DNM3: variants seen among roughly 807,000 people sequenced by gnomAD.
DNM3 encodes dynamin 3, also known as dynamin-3.
In DNM3, 47 loss-of-function variants were observed where a neutral mutation model predicts 101.6. That is an observed-to-expected ratio of 0.46 (90% CI 0.37 to 0.59). The LOEUF (loss-of-function observed/expected upper bound fraction) is 0.59. Among genes scored for constraint, DNM3 ranks in the 20% least tolerant of loss-of-function variants. The pLI, the probability that DNM3 is intolerant of heterozygous loss-of-function variation, is 0.00. For synonymous variants in DNM3, 385 were observed against 387.9 expected (o/e 0.99, Z 0.09); for missense variants, 849 against 1,085.7 (o/e 0.78, Z 3.06).
chr1:172,414,544 A>G (rs985719256), downstream of DNM3, among the ~76,000 whole-genome samples: 4 of 152,214 alleles, frequency 2.6e-5, no homozygotes, highest in African/African-American at 9.6e-5. Flanking sequence ...TCACAGATCT[A>G]GTGTCCTGAG....
intron 14 of DNM3, among the ~76,000 whole-genome samples, chr1:172,156,990 G>C (rs2058362957): frequency 6.6e-6 from 1 of 152,056 alleles, no homozygotes; most frequent in Non-Finnish European, 1.5e-5. Flanking sequence ...CCGGGGACTG[G>C]TTTCATGGAA....
At chr1:171,941,436 C>T (rs1180930218) in intron 2 of DNM3, among the ~76,000 whole-genome samples, 1 of 152,122 alleles carries the variant, frequency 6.6e-6, no homozygotes, top group Non-Finnish European at 1.5e-5. Flanking sequence ...AATAATATGA[C>T]TGAGGAAGGT....
intron 16 of DNM3, among the ~76,000 whole-genome samples, chr1:172,318,968 C>T (rs112716627): frequency 7.9e-5 from 12 of 152,040 alleles, no homozygotes; most frequent in East Asian, 3.9e-4. Context: ...GGAGGCATCA[C>T]GCTACCTGAC....
chr1:172,191,628 T>C (rs2059727315), intron 14 of DNM3, among the ~76,000 whole-genome samples: 2 of 152,214 alleles, frequency 1.3e-5, no homozygotes, highest in Admixed American at 1.3e-4. Flanking sequence ...TTTCACAATA[T>C]TGGTTCTTGC....
chr1:171,858,733 A>G (rs972959613), intron 1 of DNM3, among the ~76,000 whole-genome samples: 7 of 152,066 alleles, frequency 4.6e-5, no homozygotes, highest in Non-Finnish European at 1.0e-4. Flanking sequence ...CACAATTCCC[A>G]TTATTTCTGC....
Position 172,253,669 on chromosome 1 carries a change from A to C in DNM3, c.1756A>C (p.Asn586His). The C allele has an allele frequency of 6.4e-7, 1 of 1,574,404 alleles. No individual in the cohort carries two copies. The highest frequency in any genetic ancestry group is 2.3e-5 in the East Asian group (1 of 43,376). Residue 586 changes from asparagine to histidine, a missense_variant, in exon 15 of 21, where the codon AAT (asparagine) becomes CAT (histidine). Transcript: ENST00000627582. ...MSSKHIFALFNTEQRNVYKDY... is the reference protein window; with the variant it reads ...MSSKHIFALFHTEQRNVYKDY... ...TAGCAAGCACATCTTTGCACTCTTTAATACAGAGCAAAGGTAAGAAATTGA... is the reference window on the plus strand; with the variant it reads ...TAGCAAGCACATCTTTGCACTCTTTCATACAGAGCAAAGGTAAGAAATTGA...
At chr1:171,916,509 G>A (rs1461542355) in intron 1 of DNM3, among the ~76,000 whole-genome samples, 2 of 152,054 alleles carry the variant, frequency 1.3e-5, no homozygotes, top group African/African-American at 4.8e-5. Context: ...TCAGAAGGAG[G>A]GGCATCAGAA....
chr1:172,274,269 T>C (rs574029751), intron 15 of DNM3, among the ~76,000 whole-genome samples: 1 of 152,176 alleles, frequency 6.6e-6, no homozygotes, highest in East Asian at 1.9e-4. Context: ...TGAGTGATGA[T>C]GCAGGGCAGA....
intron 2 of DNM3, 33 bp downstream of exon 2, chr1:171,921,854 G>T (rs1442515498): frequency 1.3e-6 from 2 of 1,562,354 alleles, no homozygotes; most frequent in Non-Finnish European, 1.7e-6. Context: ...GCATGGATGG[G>T]CACATCCTGT....
At chr1:171,895,408 T>C (rs1464146017) in intron 1 of DNM3, among the ~76,000 whole-genome samples, 2 of 152,252 alleles carry the variant, frequency 1.3e-5, no homozygotes, top group Non-Finnish European at 2.9e-5. Flanking sequence ...CATTTATTCA[T>C]GTGTCTGTTG....
chr1:172,106,811 G>C (rs1447601297), intron 13 of DNM3, among the ~76,000 whole-genome samples: 1 of 129,718 alleles, frequency 7.7e-6, no homozygotes, highest in Non-Finnish European at 1.7e-5. Context: ...GCCATTGAAC[G>C]AATTTTCTTA....
intron 1 of DNM3, among the ~76,000 whole-genome samples, chr1:171,865,515 C>CAAAA (rs57826674): frequency 2.6e-3 from 211 of 80,430 alleles, no homozygotes; most frequent in Non-Finnish European, 3.7e-3. Context: ...GATCCTGTCT[C>CAAAA]AAAAAAAAAA....
At chr1:172,009,675 T>C (rs2046984751) in intron 4 of DNM3, among the ~76,000 whole-genome samples, 1 of 151,778 alleles carries the variant, frequency 6.6e-6, no homozygotes, top group African/African-American at 2.4e-5. Flanking sequence ...AGGAGAGAAC[T>C]GACTTAACAG....
chr1:172,294,183 A>T (rs767978838), intron 15 of DNM3, among the ~76,000 whole-genome samples: 12 of 152,220 alleles, frequency 7.9e-5, no homozygotes, highest in Non-Finnish European at 1.8e-4. Context: ...CAACTTTTGA[A>T]AATTTCCAAC....
chr1:172,009,654 G>A (rs762156248), intron 4 of DNM3, among the ~76,000 whole-genome samples: 4 of 151,474 alleles, frequency 2.6e-5, no homozygotes, highest in Non-Finnish European at 4.4e-5. Flanking sequence ...CAGCACTATC[G>A]TAGACCGATT....
intron 1 of DNM3, among the ~76,000 whole-genome samples, chr1:171,871,106 C>T (rs80217335): frequency 0.014 from 2,187 of 152,130 alleles, 59 homozygotes; most frequent in African/African-American, 0.048. Context: ...CAATGGACAT[C>T]GTCAGAAATA....
chr1:171,888,279 A>G (rs2036957158), intron 1 of DNM3, among the ~76,000 whole-genome samples: 1 of 152,126 alleles, frequency 6.6e-6, no homozygotes, highest in South Asian at 2.1e-4. Context: ...AGGATAGTGG[A>G]GCTGGGAATA....
intron 14 of DNM3, 47 bp downstream of exon 14, chr1:172,131,335 T>C (rs1258922826): frequency 6.6e-7 from 1 of 1,517,254 alleles, no homozygotes. Context: ...GTATTTCTCA[T>C]TTTAAATTAA....
chr1:171,982,467 T>G (rs978503716), intron 2 of DNM3, among the ~76,000 whole-genome samples: 3 of 152,114 alleles, frequency 2.0e-5, no homozygotes, highest in African/African-American at 7.2e-5. Flanking sequence ...ATCCTGTAGG[T>G]TGAATTCTTT....
Sources: gnomAD v4.1 joint callset for allele counts (sites outside exome capture counted in the v4.1 genomes callset) on GRCh38, gnomAD v4.1.1 for gene constraint, MANE v1.5 for transcripts, NCBI Gene and HGNC (gene_info 2026-07-23, HGNC 2026-07-21) for gene names.